The following EPHA7 variants were observed in gnomAD, a reference collection of about 807,000 sequenced individuals.
EPHA7 encodes ephrin type-A receptor 7.
EPHA7 carries 25 observed loss-of-function variants against 112.6 expected under a neutral mutation model. That is an observed-to-expected ratio of 0.22 (90% CI 0.16 to 0.31). EPHA7 has a LOEUF of 0.31. EPHA7 is among the 10% of genes least tolerant of loss of function. EPHA7 has a pLI of 1.00. For synonymous variants in EPHA7, 437 were observed against 406.5 expected (o/e 1.07, Z -0.90); for missense variants, 962 against 1,212.6 (o/e 0.79, Z 3.07).
At chr6:93,364,678 TTTA>T (rs1158653809) in intron 3 of EPHA7, among the ~76,000 whole-genome samples, 1 of 152,102 alleles carries the variant, frequency 6.6e-6, no homozygotes, top group Non-Finnish European at 1.5e-5. Context: ...TGCATCAAAT[TTTA>T]TAAAGTTGCA....
chr6:93,246,576 T>TA (rs1279609501), intron 15 of EPHA7, among the ~76,000 whole-genome samples: 10 of 152,278 alleles, frequency 6.6e-5, no homozygotes, highest in African/African-American at 2.2e-4. Context: ...CTTGTAAGTT[T>TA]AAAAAATGCA....
chr6:93,414,581 G>C, intron 2 of EPHA7, 122 bp downstream of exon 2: 1 of 744,992 alleles, frequency 1.3e-6, no homozygotes, highest in South Asian at 1.6e-5. Flanking sequence ...ACATAATATT[G>C]GACAAGATAT....
chr6:93,385,578 G>A (rs1041554908), intron 3 of EPHA7, among the ~76,000 whole-genome samples: 1 of 151,968 alleles, frequency 6.6e-6, no homozygotes, highest in Admixed American at 6.6e-5. Context: ...AAAAGTACTT[G>A]CACCCCACTT....
intron 5 of EPHA7, among the ~76,000 whole-genome samples, chr6:93,337,536 G>A (rs1384949751): frequency 1.3e-5 from 2 of 152,074 alleles, no homozygotes; most frequent in Non-Finnish European, 2.9e-5. Context: ...TATTTTCAAA[G>A]GGCCTCAAAC....
intron 5 of EPHA7, among the ~76,000 whole-genome samples, chr6:93,344,887 G>A (rs1775320428): frequency 6.6e-6 from 1 of 151,258 alleles, no homozygotes; most frequent in Non-Finnish European, 1.5e-5. Flanking sequence ...AAACTTTTTT[G>A]TCACACTTTT....
At chr6:93,359,425 TC>T (rs149487231) in intron 3 of EPHA7, among the ~76,000 whole-genome samples, 3,254 of 151,552 alleles carry the variant, frequency 0.021, 111 homozygotes, top group African/African-American at 0.075. Context: ...TAAATAAACA[TC>T]TACTTAAATT....
intron 9 of EPHA7, 130 bp from the exon 10 acceptor site, chr6:93,259,609 G>T: frequency 9.4e-7 from 1 of 1,061,126 alleles, no homozygotes; most frequent in Non-Finnish European, 1.4e-6. Flanking sequence ...ATTCACAGCA[G>T]TTTTAACAGA....
chr6:93,306,508 A>C (rs1426628105), intron 5 of EPHA7, among the ~76,000 whole-genome samples: 1 of 152,018 alleles, frequency 6.6e-6, no homozygotes, highest in African/African-American at 2.4e-5. Context: ...TGACAAAACC[A>C]AAGGACTCAG....
intron 5 of EPHA7, among the ~76,000 whole-genome samples, chr6:93,293,188 T>A (rs1041666547): frequency 2.0e-5 from 3 of 151,166 alleles, no homozygotes; most frequent in African/African-American, 7.3e-5. Flanking sequence ...TATATATAAT[T>A]TTTTGTTATT....
At chr6:93,311,492 G>A (rs1773538825) in intron 5 of EPHA7, among the ~76,000 whole-genome samples, 1 of 152,038 alleles carries the variant, frequency 6.6e-6, no homozygotes, top group Admixed American at 6.5e-5. Context: ...GTTTTATCTT[G>A]AGATTGTGGC....
rs73532349 is a variant in EPHA7, at chr6:93,359,127, T to C, written c.833-716A>G. Among the ~76,000 whole-genome samples, 1,266 of 152,218 alleles carry C rather than the reference T, an allele frequency of 8.3e-3. 15 individuals are homozygous for C. Among genetic ancestry groups the C allele is most frequent in the African/African-American group, 0.028 (1,160 of 41,512 alleles). ...GTAGATTATGGCCCTGTTTGTCCTC[T>C]GCCGAGAGAGGGTTAGGGTGCAATC... On this transcript the variant is annotated intron_variant, in intron 3 of 16. Transcript: ENST00000369303.
At chr6:93,370,341 C>T (rs1003783075) in intron 3 of EPHA7, among the ~76,000 whole-genome samples, 1 of 152,048 alleles carries the variant, frequency 6.6e-6, no homozygotes, top group African/African-American at 2.4e-5. Flanking sequence ...CCTACCCAAA[C>T]CCAAAAAAGT....
At position 93,410,032 on chromosome 6, in the gene EPHA7, A is replaced by T. The variant is rs660217; in HGVS notation, c.832+469T>A. 6.6e-6 allele frequency: 1 copy of T among 152,658 alleles called. No homozygotes were observed. Among genetic ancestry groups the T allele is most frequent in the Non-Finnish European group, 1.5e-5 (1 of 68,526 alleles). 9.5% of individuals were successfully genotyped at this position (152,658 alleles called of 1,614,324 possible). A position where few individuals can be genotyped will look rare whatever the true frequency, so the allele number is the denominator to read the frequency against. On this transcript the variant is annotated intron_variant, in intron 3 of 16. Transcript: ENST00000369303. This position sits in a 1 kb window ranked among gnomAD's most constrained non-coding sequence, Gnocchi z 4.0. ...AAGATAATTCTAAAAGTTTGTAAAT[A>T]TATTCGTTTATGCCCTGCCTGTCAC...
In EPHA7 at chr6:93,339,010, T is replaced by C. The variant is rs1206611457; in HGVS notation, c.1324+17707A>G. ...TTTTATATAAATATATGCACACATA[T>C]AATACCGTAGGATACCAACATTTTA... On this transcript the variant is annotated intron_variant, in intron 5 of 16. Transcript: ENST00000369303. 5.3e-5 allele frequency among the ~76,000 whole-genome samples: 8 copies of C among 150,548 alleles called. No individual in the cohort carries two copies. In the South Asian group the frequency reaches 8.3e-4, roughly 16 times the overall value.
At chr6:93,352,112 A>G (rs1223376682) in intron 5 of EPHA7, among the ~76,000 whole-genome samples, 1 of 152,154 alleles carries the variant, frequency 6.6e-6, no homozygotes, top group Non-Finnish European at 1.5e-5. Flanking sequence ...TACAGCTAGT[A>G]TGCAGAAAAG....
intron 5 of EPHA7, among the ~76,000 whole-genome samples, chr6:93,298,993 G>C (rs1772821110): frequency 6.6e-6 from 1 of 152,098 alleles, no homozygotes; most frequent in South Asian, 2.1e-4. Context: ...GAAATGAACA[G>C]ACGTTTTTCA....
chr6:93,283,186 T>C (rs1771858418), intron 5 of EPHA7, among the ~76,000 whole-genome samples: 1 of 152,194 alleles, frequency 6.6e-6, no homozygotes, highest in African/African-American at 2.4e-5. Flanking sequence ...ACTCTGTGTC[T>C]AGCTCAGGGT....
At chr6:93,338,892 T>C (rs67959840) in intron 5 of EPHA7, among the ~76,000 whole-genome samples, 29,484 of 150,020 alleles carry the variant, frequency 0.2, 3,560 homozygotes, top group Non-Finnish European at 0.27. Flanking sequence ...TACATATCTC[T>C]ATATATCTCT....
At chr6:93,302,859 G>T (rs1249765036) in intron 5 of EPHA7, among the ~76,000 whole-genome samples, 1 of 152,066 alleles carries the variant, frequency 6.6e-6, no homozygotes, top group Non-Finnish European at 1.5e-5. Context: ...CACACTTAAA[G>T]CACAGAAAAA....
Sources: allele counts gnomAD v4.1 joint callset (sites outside exome capture counted in the v4.1 genomes callset), GRCh38; gene constraint gnomAD v4.1.1; non-coding constraint Gnocchi (gnomAD v3.1); transcripts MANE v1.5; gene names NCBI Gene and HGNC (gene_info 2026-07-23, HGNC 2026-07-21).